The following TMEM67 variants were observed in gnomAD, a reference collection of about 807,000 sequenced individuals.
The protein encoded by TMEM67 is transmembrane protein 67.
TMEM67 carries 124 observed loss-of-function variants against 136.6 expected under a neutral mutation model. That is an observed-to-expected ratio of 0.91 (90% confidence interval 0.78 to 1.05). The LOEUF (loss-of-function observed/expected upper bound fraction) is 1.05. Among genes scored for constraint, TMEM67 ranks in the 50% least tolerant of loss-of-function variants. The pLI is 0.00. For synonymous variants in TMEM67, 364 were observed against 390.5 expected (o/e 0.93, Z 0.80); for missense variants, 1,107 against 1,178.4 (o/e 0.94, Z 0.89).
rs769346525 is a variant in TMEM67, at chr8:93,775,846, G to A, written c.714+3195G>A. Among the ~76,000 whole-genome samples the A allele has an allele frequency of 8.5e-5, 13 of 152,124 alleles. No homozygotes were observed. In the South Asian group the frequency reaches 2.3e-3, roughly 27 times the overall value. On this transcript the variant is annotated intron_variant, in intron 7 of 27. Coordinates refer to ENST00000453321, the MANE Select transcript of TMEM67 (RefSeq NM_153704.6). Reference sequence around the variant, plus strand: ...GTCTTGGCAATGCAGGCTCTTTTTTGGTTCCACAGGAACTTTACAGTAGTT... The same window carrying A: ...GTCTTGGCAATGCAGGCTCTTTTTTAGTTCCACAGGAACTTTACAGTAGTT...
At chr8:93,800,904 A>G (rs1814843304) in intron 21 of TMEM67, among the ~76,000 whole-genome samples, 1 of 151,808 alleles carries the variant, frequency 6.6e-6, no homozygotes, top group South Asian at 2.1e-4. Flanking sequence ...GATTGCTCGT[A>G]CCCCTTGTGG....
intron 26 of TMEM67, among the ~76,000 whole-genome samples, chr8:93,810,428 A>G (rs1808657459): frequency 6.6e-6 from 1 of 151,890 alleles, no homozygotes; most frequent in South Asian, 2.1e-4. Flanking sequence ...AAAAATACAA[A>G]ACTTAGCCAG....
In TMEM67 at chr8:93,755,052, G is replaced by A. The variant is rs1812504403; in HGVS notation, c.138G>A (p.Pro46=). The A allele has an allele frequency of 1.2e-6, 2 of 1,614,062 alleles. No homozygotes were observed. The change falls in exon 1 of 28, where the codon CCG becomes CCA. Residue 46 remains proline, a synonymous_variant. Coordinates refer to ENST00000453321, the MANE Select transcript of TMEM67 (RefSeq NM_153704.6). The part of the protein sequence containing the change: ...AQTFSFPFQQ[P]EKCDNNQYFD... ...CCTTCTCTTTCCCTTTCCAGCAGCC[G>A]GAGAAGTGCGACAACAACCAGTACT...
downstream of TMEM67, among the ~76,000 whole-genome samples, chr8:93,818,437 T>C (rs1433532009): frequency 2.6e-5 from 4 of 152,232 alleles, no homozygotes; most frequent in Non-Finnish European, 5.9e-5. Flanking sequence ...TTCTCTGGCA[T>C]TGCTGTCCTA....
downstream of TMEM67, among the ~76,000 whole-genome samples, chr8:93,822,293 C>T (rs1006520802): frequency 2.6e-5 from 4 of 152,232 alleles, no homozygotes; most frequent in African/African-American, 9.6e-5. Context: ...TGTGATACCA[C>T]TACAAAACCA....
rs1814173990 is a variant in TMEM67, at chr8:93,787,714, A to T, written c.1413-130A>T. 4 of 731,926 alleles carry T rather than the reference A, an allele frequency of 5.5e-6. No homozygotes were observed. The Admixed American group carries it at 8.3e-5, about 15-fold the overall frequency. The allele number at this position is 731,926 out of a possible 1,614,324, so 45.3% of individuals were successfully genotyped here. On this transcript the variant is annotated intron_variant, in intron 13 of 27. Transcript: ENST00000453321. The stretch of plus-strand genomic sequence containing the variant: ...CATTAGTTTATGTGTAACCTTCCTT[A>T]GTCCTTGTTAACTACTTGGTTCTGA...
chr8:93,822,875 A>C (rs1199288035), downstream of TMEM67, among the ~76,000 whole-genome samples: 1 of 152,256 alleles, frequency 6.6e-6, no homozygotes, highest in African/African-American at 2.4e-5. Context: ...CCTTCATTTT[A>C]ATGAAATACA....
At position 93,803,660 on chromosome 8, in the gene TMEM67, C is replaced by G. The variant is rs372104198; in HGVS notation, c.2298C>G (p.Phe766Leu). ...TTATAGAAGATAAAATTCGACAGTT[C>G]GTTGATTTATGCTCTATGAGTAATG... ...ERFIEDKIRQ[F>L]VDLCSMSNIS... Residue 766 changes from phenylalanine to leucine, a missense_variant, in exon 22 of 28, where the codon TTC (phenylalanine) becomes TTG (leucine). This residue lies in a region of TMEM67 where 925 missense variants were observed against 1,002.4 expected (regional missense o/e 0.92). Coordinates refer to ENST00000453321, the MANE Select transcript of TMEM67 (RefSeq NM_153704.6). 1.5e-5 allele frequency: 24 copies of G among 1,596,380 alleles called. No homozygotes were observed. In the East Asian group the frequency reaches 4.7e-4, roughly 31 times the overall value.
At chr8:93,803,161 C>T (rs142363591) in intron 21 of TMEM67, among the ~76,000 whole-genome samples, 281 of 152,106 alleles carry the variant, frequency 1.8e-3, no homozygotes, top group African/African-American at 6.6e-3. Flanking sequence ...ACTTTGTAGT[C>T]AGAATACTAG....
chr8:93,761,227 A>G (rs1471014589), intron 3 of TMEM67, among the ~76,000 whole-genome samples: 1 of 152,182 alleles, frequency 6.6e-6, no homozygotes, highest in Non-Finnish European at 1.5e-5. Flanking sequence ...GAACCCAAGG[A>G]GGTGGAGGTT....
chr8:93,808,378 A>T (rs6998657), intron 23 of TMEM67, among the ~76,000 whole-genome samples: 130,411 of 132,534 alleles, frequency 0.98, 64,166 homozygotes, highest in Middle Eastern at 1. Context: ...ATCTACTATA[A>T]ATATTTATAT....
intron 3 of TMEM67, chr8:93,760,065 T>C: frequency 8.7e-7 from 1 of 1,151,970 alleles, no homozygotes; most frequent in Non-Finnish European, 1.2e-6. Flanking sequence ...GATGGGAAGA[T>C]TAAATATTAG....
downstream of TMEM67, among the ~76,000 whole-genome samples, chr8:93,823,172 T>A (rs1809064747): frequency 1.3e-5 from 2 of 152,226 alleles, no homozygotes; most frequent in African/African-American, 2.4e-5. Context: ...GGCAGAAGTC[T>A]GAAATGGGTT....
intron 14 of TMEM67, among the ~76,000 whole-genome samples, chr8:93,788,990 TA>T (rs199738830): frequency 6.6e-6 from 1 of 150,978 alleles, no homozygotes; most frequent in Admixed American, 6.6e-5. Context: ...GGGATAGAGG[TA>T]AAAAAAAACA....
rs769351856 is a variant in TMEM67, at chr8:93,781,670, A to C, written c.991A>C (p.Lys331Gln). 1.8e-5 allele frequency: 28 copies of C among 1,597,686 alleles called. No individual in the cohort carries two copies. The Middle Eastern group carries it at 8.5e-4, about 48-fold the overall frequency. Residue 331 changes from lysine (K) to glutamine (Q), a missense_variant, in exon 10 of 28, where the codon AAG (lysine) becomes CAG (glutamine). Around this residue, in one of 3 missense-constraint regions of TMEM67, gnomAD observed 925 missense variants for 1,002.4 expected, o/e 0.92. Coordinates refer to ENST00000453321, the MANE Select transcript of TMEM67 (RefSeq NM_153704.6). The part of the protein sequence containing the change: ...FKGENQNTKL[K>Q]FVAASYDIRG... ...TTTCTTTAATCAGAATACAAAACTG[A>C]AGTTTGTTGCTGCTTCCTATGATAT...
At chr8:93,810,821 TAAAAG>T (rs1808672467) in intron 26 of TMEM67, among the ~76,000 whole-genome samples, 1 of 152,216 alleles carries the variant, frequency 6.6e-6, no homozygotes, top group Non-Finnish European at 1.5e-5. Context: ...ATGAAACACT[TAAAAG>T]AATAACATTT....
intron 23 of TMEM67, 46 bp from the exon 24 acceptor site, chr8:93,808,794 A>T (rs749416188): frequency 7.8e-7 from 1 of 1,275,904 alleles, no homozygotes; most frequent in Middle Eastern, 1.9e-4. Context: ...TGAGGCAGGA[A>T]ATTTTTTATA....
At chr8:93,810,211 C>T (rs1327349244) in intron 26 of TMEM67, among the ~76,000 whole-genome samples, 3 of 149,808 alleles carry the variant, frequency 2.0e-5, no homozygotes, top group East Asian at 3.9e-4. Context: ...CCTCGTGATC[C>T]GCCCACCTCG....
chr8:93,828,056 A>G, the TMEM67 span, among the ~76,000 whole-genome samples: 1 of 152,148 alleles, frequency 6.6e-6, no homozygotes, highest in South Asian at 2.1e-4. Context: ...CACTATCTTG[A>G]GCAGCTGTGC....
Sources: gnomAD v4.1 joint callset for allele counts (sites outside exome capture counted in the v4.1 genomes callset) on GRCh38, gnomAD v4.1.1 for gene constraint, gnomAD v4.1.1 regional missense constraint, MANE v1.5 for transcripts, NCBI Gene and HGNC (gene_info 2026-07-23, HGNC 2026-07-21) for gene names.